SEC31A: variants seen among roughly 807,000 people sequenced by gnomAD.
The protein encoded by SEC31A is protein transport protein Sec31A.
A neutral mutation model predicts 151.0 loss-of-function variants in SEC31A; 70 were observed. The ratio of observed to expected loss-of-function variants is 0.46; its 90% CI spans 0.38 to 0.57. The LOEUF (loss-of-function observed/expected upper bound fraction) is 0.57, where lower values mean the gene tolerates loss of function less well. SEC31A is among the 20% of genes least tolerant of loss of function. The pLI is 0.00. For missense variants in SEC31A, 1,330 were observed against 1,471.2 expected, an observed-to-expected ratio of 0.90 and a Z score of 1.57; for synonymous variants, 475 against 505.9, an observed-to-expected ratio of 0.94 and a Z score of 0.82.
chr4:82,867,431 G>C, intron 8 of SEC31A, 115 bp from the exon 9 acceptor site: 1 of 842,926 alleles, frequency 1.2e-6, no homozygotes. Flanking sequence ...TTTTTTTGTA[G>C]AAAGTATCTT....
intron 19 of SEC31A, among the ~76,000 whole-genome samples, chr4:82,850,326 T>C (rs931767396): frequency 6.6e-5 from 10 of 152,144 alleles, no homozygotes; most frequent in Non-Finnish European, 1.5e-4. Context: ...AAAGTCACCA[T>C]AAAGGAAAAG....
chr4:82,886,609 T>C (rs905778299), intron 1 of SEC31A, among the ~76,000 whole-genome samples: 1 of 152,214 alleles, frequency 6.6e-6, no homozygotes, highest in Non-Finnish European at 1.5e-5. Flanking sequence ...TTTTCTTACA[T>C]GAATCTCCTC....
intron 8 of SEC31A, among the ~76,000 whole-genome samples, chr4:82,868,897 C>G (rs142836518): frequency 2.0e-5 from 3 of 151,976 alleles, no homozygotes; most frequent in African/African-American, 7.2e-5. Context: ...GTTTCACCAG[C>G]CTGCCTTGCC....
chr4:82,850,908 G>A (rs905250841), intron 19 of SEC31A, among the ~76,000 whole-genome samples: 8 of 152,130 alleles, frequency 5.3e-5, no homozygotes, highest in Non-Finnish European at 1.0e-4. Context: ...GTTTTATTGT[G>A]CAATAAGTAA....
chr4:82,825,746 G>A (rs866241866), intron 24 of SEC31A, among the ~76,000 whole-genome samples: 10 of 152,140 alleles, frequency 6.6e-5, no homozygotes, highest in Non-Finnish European at 1.5e-4. Flanking sequence ...AGTAGATATC[G>A]GCAGACCAAT....
At chr4:82,838,763 A>C (rs1449381682) in intron 22 of SEC31A, among the ~76,000 whole-genome samples, 1 of 152,202 alleles carries the variant, frequency 6.6e-6, no homozygotes, top group East Asian at 1.9e-4. Context: ...TTCTGATTGT[A>C]GACCAAACAG....
rs1340959144 is a variant in SEC31A, at chr4:82,875,293, A to AAT, written c.498+432_498+433dup. ...GGAGAAGACTGTTGTTACCAAACTT[A>AAT]ATAGAAATACACAAGCAAAGGGCTT... On this transcript the variant is annotated intron_variant, in intron 5 of 26. Coordinates refer to ENST00000395310, the MANE Select transcript of SEC31A (RefSeq NM_001077207.4). Among the ~76,000 whole-genome samples the AAT allele has an allele frequency of 5.9e-5, 9 of 152,344 alleles. No homozygotes were observed. In the East Asian group the frequency reaches 1.5e-3, roughly 26 times the overall value.
chr4:82,886,001 A>C (rs1242400977), intron 1 of SEC31A, among the ~76,000 whole-genome samples: 1 of 152,224 alleles, frequency 6.6e-6, no homozygotes, highest in African/African-American at 2.4e-5. Context: ...AAATTAAGAC[A>C]CAGAAAGTTA....
chr4:82,850,664 C>T (rs748256640), intron 19 of SEC31A, among the ~76,000 whole-genome samples: 1 of 152,120 alleles, frequency 6.6e-6, no homozygotes, highest in Non-Finnish European at 1.5e-5. Flanking sequence ...TTTCCTCAAA[C>T]CTCACCCGTA....
chr4:82,881,761 G>A, intron 2 of SEC31A, 97 bp downstream of exon 2: 1 of 908,664 alleles, frequency 1.1e-6, no homozygotes, highest in South Asian at 1.4e-5. Context: ...CAGGGAGAGA[G>A]AGGCTTTCTA....
In SEC31A at chr4:82,882,401, CAAAAAAAAAAAAAAAA is replaced by C. The variant is rs57974382; in HGVS notation, c.-4-477_-4-462del. Among the ~76,000 whole-genome samples the C allele has an allele frequency of 1.0e-3, 93 of 92,482 alleles. 1 individual carries two copies. Among genetic ancestry groups the C allele is most frequent in the African/African-American group, 4.2e-3 (82 of 19,418 alleles). The allele number at this position is 92,482 out of a possible 152,430, so 60.7% of individuals were successfully genotyped here. On this transcript the variant is annotated intron_variant, in intron 1 of 26. Coordinates refer to ENST00000395310, the MANE Select transcript of SEC31A (RefSeq NM_001077207.4). ...TGGGCGAGAGAGCAAGACTCTATCT[CAAAAAAAAAAAAAAAA>C]AAAAAAAAAAAAAAAGACAAACTTG...
Position 82,863,331 on chromosome 4 carries a change from T to A in SEC31A, c.1496A>T (p.Asp499Val). 1 of 1,576,572 alleles carries A rather than the reference T, an allele frequency of 6.3e-7. No individual in the cohort carries two copies. The change falls in exon 12 of 27, where the codon GAT (aspartate) becomes GTT (valine). Residue 499 changes from aspartate to valine, a missense_variant. Coordinates refer to ENST00000395310, the MANE Select transcript of SEC31A (RefSeq NM_001077207.4). ...YLELLGYRKE[D>V]LGKKIALALN... ...CCAAAAGTTTACCTTCTTTCCTAGA[T>A]CTTCTTTTCTGTATCCTAGAAGTTC...
rs564450502 is a variant in SEC31A, at chr4:82,835,167, C to A, written c.2969-6109G>T. On this transcript the variant is annotated intron_variant, in intron 22 of 26. Coordinates refer to ENST00000395310, the MANE Select transcript of SEC31A (RefSeq NM_001077207.4). Reference sequence around the variant, plus strand: ...TGGCCTAAACATGACTTTTTACAAACAGTTCAACTGATCTCTACTTTATAG... The same window carrying A: ...TGGCCTAAACATGACTTTTTACAAAAAGTTCAACTGATCTCTACTTTATAG... Among the ~76,000 whole-genome samples the A allele has an allele frequency of 1.2e-4, 19 of 152,242 alleles. No individual in the cohort carries two copies. The South Asian group carries it at 3.7e-3, about 30-fold the overall frequency.
At chr4:82,831,730 T>A (rs574230356) in intron 22 of SEC31A, among the ~76,000 whole-genome samples, 1 of 152,166 alleles carries the variant, frequency 6.6e-6, no homozygotes. Context: ...TAAATGAGAA[T>A]AGGCCCAGCA....
upstream of SEC31A, among the ~76,000 whole-genome samples, chr4:82,892,432 G>A (rs1299506408): frequency 2.0e-5 from 3 of 152,224 alleles, no homozygotes; most frequent in African/African-American, 4.8e-5. Flanking sequence ...GCTTCATGCA[G>A]GTCTGGGTCT....
intron 8 of SEC31A, among the ~76,000 whole-genome samples, chr4:82,868,031 G>A (rs886947182): frequency 4.6e-5 from 7 of 152,208 alleles, no homozygotes; most frequent in African/African-American, 1.7e-4. Context: ...GTTACTTGAG[G>A]ATCAAATTTT....
At chr4:82,890,745 C>CCGCA in intron 1 of SEC31A, 1 of 1,151,990 alleles carries the variant, frequency 8.7e-7, no homozygotes. Context: ...CCCTCGGGGA[C>CCGCA]CGCACCTCTT....
intron 23 of SEC31A, among the ~76,000 whole-genome samples, chr4:82,828,602 G>A (rs964731478): frequency 8.0e-5 from 10 of 124,628 alleles, no homozygotes; most frequent in Non-Finnish European, 1.3e-4. Context: ...CATACTATAC[G>A]TGACAGAAAA....
chr4:82,891,110 G>A lies in SEC31A; in HGVS notation c.-27C>T, dbSNP rs1313783069. 8.5e-6 allele frequency: 13 copies of A among 1,535,818 alleles called. No homozygotes were observed. The highest frequency in any genetic ancestry group is 1.1e-5 in the Non-Finnish European group (13 of 1,146,796). ...CACCTGGCGAGGACCTTCGGCAGCCGGATCCTGCGTTAGTGCAGCGCTCGT... is the reference window on the plus strand; with the variant it reads ...CACCTGGCGAGGACCTTCGGCAGCCAGATCCTGCGTTAGTGCAGCGCTCGT... On this transcript the variant is annotated 5_prime_UTR_variant, in exon 1 of 27. Transcript: ENST00000395310.
Sources: gnomAD v4.1 joint callset for allele counts (sites outside exome capture counted in the v4.1 genomes callset) on GRCh38, gnomAD v4.1.1 for gene constraint, MANE v1.5 for transcripts, NCBI Gene and HGNC (gene_info 2026-07-23, HGNC 2026-07-21) for gene names.